TBC1D5: variants seen among roughly 807,000 people sequenced by gnomAD.
TBC1D5 encodes TBC1 domain family member 5, also known as TBC1 domain family, member 5.
A neutral mutation model predicts 100.3 loss-of-function variants in TBC1D5; 75 were observed. The observed-to-expected ratio is 0.75, with a 90% CI of 0.62 to 0.91. The LOEUF (loss-of-function observed/expected upper bound fraction) is 0.91. TBC1D5 is among the 40% of genes least tolerant of loss of function. The pLI, the probability that TBC1D5 is intolerant of heterozygous loss-of-function variation, is 0.00. For missense variants in TBC1D5, 910 were observed against 942.4 expected, an observed-to-expected ratio of 0.97 and a Z score of 0.45; for synonymous variants, 323 against 325.6, an observed-to-expected ratio of 0.99 and a Z score of 0.09.
intron 3 of TBC1D5, among the ~76,000 whole-genome samples, chr3:17,500,587 T>C (rs2095773937): frequency 6.7e-6 from 1 of 149,548 alleles, no homozygotes; most frequent in African/African-American, 2.5e-5. Flanking sequence ...CACCAAATCA[T>C]GTATTTCCTC....
intron 13 of TBC1D5, among the ~76,000 whole-genome samples, chr3:17,309,865 C>T (rs1374075982): frequency 6.6e-6 from 1 of 152,028 alleles, no homozygotes; most frequent in East Asian, 1.9e-4. Flanking sequence ...TTAACCGATA[C>T]AAATGTTTGC....
chr3:17,505,887 T>C (rs1261470264), intron 3 of TBC1D5, among the ~76,000 whole-genome samples: 1 of 152,332 alleles, frequency 6.6e-6, no homozygotes, highest in East Asian at 1.9e-4. Context: ...TATGCTGTTC[T>C]CTATTTGAAA....
At chr3:17,216,853 T>G (rs544713195) in intron 17 of TBC1D5, among the ~76,000 whole-genome samples, 1 of 152,302 alleles carries the variant, frequency 6.6e-6, no homozygotes, top group East Asian at 1.9e-4. Flanking sequence ...ATAAACAGAT[T>G]AACTGTGAAA....
rs529885365 is a variant in TBC1D5, at chr3:17,619,054, C to G, written c.-36+4795G>C. 3.3e-5 allele frequency among the ~76,000 whole-genome samples: 5 copies of G among 152,192 alleles called. No individual in the cohort carries two copies. In the East Asian group the frequency reaches 9.7e-4, roughly 29 times the overall value. On this transcript the variant is annotated intron_variant, in intron 2 of 21. Coordinates refer to ENST00000253692, the Ensembl canonical transcript of TBC1D5. Reference sequence around the variant, plus strand: ...CTTGGAATGGAATTTTTTCAGAAAGCCCCTTTTTAATAGTAATTTTAAAAA... The same window carrying G: ...CTTGGAATGGAATTTTTTCAGAAAGGCCCTTTTTAATAGTAATTTTAAAAA...
chr3:17,367,723 G>A (rs1455600267), intron 13 of TBC1D5, among the ~76,000 whole-genome samples: 1 of 152,124 alleles, frequency 6.6e-6, no homozygotes, highest in South Asian at 2.1e-4. Context: ...GCCAGGTGTG[G>A]TGGTGGGCGT....
At chr3:17,688,916 C>A (rs1329268469) in intron 1 of TBC1D5, among the ~76,000 whole-genome samples, 1 of 152,128 alleles carries the variant, frequency 6.6e-6, no homozygotes, top group Non-Finnish European at 1.5e-5. Flanking sequence ...TAAATTATAT[C>A]TTTCTTATAT....
intron 17 of TBC1D5, 131 bp from the exon 18 acceptor site, chr3:17,233,881 A>C: frequency 2.0e-6 from 1 of 501,996 alleles, no homozygotes; most frequent in Non-Finnish European, 3.6e-6. Context: ...AATAATGCAC[A>C]AGCTTAGAAA....
intron 2 of TBC1D5, among the ~76,000 whole-genome samples, chr3:17,572,231 T>C (rs962280180): frequency 7.9e-5 from 12 of 151,918 alleles, no homozygotes; most frequent in African/African-American, 2.9e-4. Context: ...TAATTCCATA[T>C]TGGCATCTGC....
intron 18 of TBC1D5, among the ~76,000 whole-genome samples, chr3:17,212,274 T>C (rs2073074398): frequency 6.6e-6 from 1 of 152,124 alleles, no homozygotes; most frequent in South Asian, 2.1e-4. Flanking sequence ...AAGACTATAA[T>C]GGAGCTAAAA....
chr3:17,589,292 A>G (rs2096751644), intron 2 of TBC1D5, among the ~76,000 whole-genome samples: 2 of 152,198 alleles, frequency 1.3e-5, no homozygotes, highest in African/African-American at 2.4e-5. Flanking sequence ...AGTATTCTCA[A>G]ACAACAATGC....
At chr3:17,734,098 G>A (rs774216047) in intron 1 of TBC1D5, among the ~76,000 whole-genome samples, 14 of 152,150 alleles carry the variant, frequency 9.2e-5, no homozygotes, top group Non-Finnish European at 2.1e-4. Flanking sequence ...GCATAGGCAC[G>A]AAGGGATATT....
At chr3:17,313,262 A>G (rs1000849406) in intron 13 of TBC1D5, among the ~76,000 whole-genome samples, 6 of 152,178 alleles carry the variant, frequency 3.9e-5, no homozygotes, top group Non-Finnish European at 7.3e-5. Context: ...GCTACTGGGT[A>G]TCTCCTTGAG....
At chr3:17,645,375 G>C (rs2064923423) in intron 1 of TBC1D5, among the ~76,000 whole-genome samples, 1 of 152,126 alleles carries the variant, frequency 6.6e-6, no homozygotes, top group Non-Finnish European at 1.5e-5. Context: ...GTTAAAGGAA[G>C]TCTACTGTAT....
intron 1 of TBC1D5, among the ~76,000 whole-genome samples, chr3:17,628,327 G>T (rs947038454): frequency 6.6e-6 from 1 of 150,758 alleles, no homozygotes; most frequent in Non-Finnish European, 1.5e-5. Context: ...CCAAGATCAC[G>T]CCACTGCACT....
intron 16 of TBC1D5, among the ~76,000 whole-genome samples, chr3:17,248,636 G>A (rs1467644788): frequency 6.6e-6 from 1 of 152,166 alleles, no homozygotes; most frequent in Middle Eastern, 3.2e-3. Flanking sequence ...TAATGCTTGG[G>A]TGCAAGCTCT....
At chr3:17,284,286 T>G (rs2149991366) in intron 15 of TBC1D5, among the ~76,000 whole-genome samples, 1 of 152,156 alleles carries the variant, frequency 6.6e-6, no homozygotes, top group African/African-American at 2.4e-5. Context: ...TCTGGCTAAT[T>G]TTTGTATTTT....
chr3:17,176,036 C>T lies in TBC1D5; in HGVS notation c.1853-8208G>A, dbSNP rs116940687. ...GATCATTAGCTAAAGAGAGTTGGGACTGGAGAACATGGAGAGGCAGCCTGG... is the reference window on the plus strand; with the variant it reads ...GATCATTAGCTAAAGAGAGTTGGGATTGGAGAACATGGAGAGGCAGCCTGG... On this transcript the variant is annotated intron_variant, in intron 19 of 21. Transcript: ENST00000253692. 1.4e-3 allele frequency among the ~76,000 whole-genome samples: 210 copies of T among 152,272 alleles called. 3 individuals are homozygous for T. In the South Asian group the frequency reaches 0.027, roughly 19 times the overall value.
intron 16 of TBC1D5, 52 bp from the exon 17 acceptor site, chr3:17,238,471 T>C (rs2076055311): frequency 2.6e-6 from 4 of 1,552,342 alleles, no homozygotes; most frequent in African/African-American, 1.4e-5. Context: ...GATGATTCTA[T>C]TTCACATAAT....
In TBC1D5 at chr3:17,211,556, G is replaced by A. The variant is rs897203124; in HGVS notation, c.1752+2651C>T. Among the ~76,000 whole-genome samples, 8 of 152,202 alleles carry A rather than the reference G, an allele frequency of 5.3e-5. No individual in the cohort carries two copies. In the East Asian group the frequency reaches 1.5e-3, roughly 29 times the overall value. On this transcript the variant is annotated intron_variant, in intron 18 of 21. Transcript: ENST00000253692. ...TCAGAAGCTTCTGACCAGTTGTCATGTCTTCAGTTCTACCTTCATCTTCAC... is the reference window on the plus strand; with the variant it reads ...TCAGAAGCTTCTGACCAGTTGTCATATCTTCAGTTCTACCTTCATCTTCAC...
Sources: allele counts gnomAD v4.1 joint callset (sites outside exome capture counted in the v4.1 genomes callset), GRCh38; gene constraint gnomAD v4.1.1; transcripts MANE v1.5; gene names NCBI Gene and HGNC (gene_info 2026-07-23, HGNC 2026-07-21).